Variants in B3GALT1 observed in about 807,000 individuals in gnomAD.
B3GALT1 encodes the protein beta-1,3-galactosyltransferase 1.
A neutral mutation model predicts 23.2 loss-of-function variants in B3GALT1; 10 were observed. The ratio of observed to expected loss-of-function variants is 0.43; its 90% CI spans 0.27 to 0.73. B3GALT1 has a LOEUF of 0.73. B3GALT1 is among the 30% of genes least tolerant of loss of function. The pLI is 0.21. For synonymous variants in B3GALT1, 156 were observed against 141.5 expected (o/e 1.10, Z -0.73); for missense variants, 299 against 405.4 (o/e 0.74, Z 2.25).
At chr2:167,515,894 T>TA (rs1344932963) in intron 2 of B3GALT1, among the ~76,000 whole-genome samples, 23 of 152,068 alleles carry the variant, frequency 1.5e-4, no homozygotes, top group Non-Finnish European at 7.4e-5. Flanking sequence ...AAATGACTTG[T>TA]AAAAAACAAC....
intron 1 of B3GALT1, among the ~76,000 whole-genome samples, chr2:167,388,034 C>T (rs1287833205): frequency 6.6e-6 from 1 of 151,988 alleles, no homozygotes; most frequent in Non-Finnish European, 1.5e-5. Flanking sequence ...TTTTGAATAG[C>T]GGGTGGCATT....
chr2:167,678,219 A>G (rs548054729), intron 3 of B3GALT1, among the ~76,000 whole-genome samples: 118 of 152,238 alleles, frequency 7.8e-4, no homozygotes, highest in African/African-American at 2.3e-3. Context: ...GACATCCATC[A>G]CAGGTTTCAT....
intron 4 of B3GALT1, among the ~76,000 whole-genome samples, chr2:167,863,690 C>T (rs1690150627): frequency 6.6e-6 from 1 of 152,040 alleles, no homozygotes; most frequent in African/African-American, 2.4e-5. Flanking sequence ...TATTTCTGGC[C>T]CATGGGCATA....
At position 167,629,355 on chromosome 2, in the gene B3GALT1, T is replaced by A. The variant is rs1041373200; in HGVS notation, c.-409-17554T>A. ...TAAACTTTGGAATCATTTAAATAAT[T>A]TTCCCTTGTTTTAATTTTGACGTCA... On this transcript the variant is annotated intron_variant, in intron 2 of 4. Transcript: ENST00000392690. Among the ~76,000 whole-genome samples, 2 of 151,726 alleles carry A rather than the reference T, an allele frequency of 1.3e-5. 1 individual carries two copies. The highest frequency in any genetic ancestry group is 3.9e-4 in the East Asian group (2 of 5,150).
chr2:167,797,453 C>A (rs1688562455), intron 3 of B3GALT1, among the ~76,000 whole-genome samples: 1 of 152,112 alleles, frequency 6.6e-6, no homozygotes, highest in Non-Finnish European at 1.5e-5. Context: ...GTGCATGTAT[C>A]TTTATAATAG....
intron 1 of B3GALT1, among the ~76,000 whole-genome samples, chr2:167,402,673 A>G (rs1165696189): frequency 6.6e-6 from 1 of 152,166 alleles, no homozygotes; most frequent in South Asian, 2.1e-4. Context: ...CTATGATAAT[A>G]CAACCAGTAA....
rs544617905 is a variant in B3GALT1, at chr2:167,616,038, G to A, written c.-409-30871G>A. On this transcript the variant is annotated intron_variant, in intron 2 of 4. Transcript: ENST00000392690. ...CATGGTCAGGAAGCTCAAGATAAGC[G>A]TTCAGTAGAATAACAGAACAAAACA... is the stretch of plus-strand genomic sequence containing the variant. Among the ~76,000 whole-genome samples, 19 of 151,344 alleles carry A rather than the reference G, an allele frequency of 1.3e-4. No homozygotes were observed. In the East Asian group the frequency reaches 2.0e-3, roughly 16 times the overall value.
At chr2:167,831,295 C>T (rs896598762) in intron 4 of B3GALT1, among the ~76,000 whole-genome samples, 4 of 152,166 alleles carry the variant, frequency 2.6e-5, no homozygotes, top group African/African-American at 9.7e-5. Flanking sequence ...GGAAAATCTC[C>T]TTTATACGAG....
chr2:167,492,001 G>C (rs754425462), intron 2 of B3GALT1, among the ~76,000 whole-genome samples: 1 of 152,110 alleles, frequency 6.6e-6, no homozygotes, highest in African/African-American at 2.4e-5. Context: ...AAAGTCCATA[G>C]TTGCATAAGG....
intron 2 of B3GALT1, among the ~76,000 whole-genome samples, chr2:167,524,351 A>T (rs1379479894): frequency 1.3e-5 from 2 of 152,170 alleles, no homozygotes; most frequent in African/African-American, 4.8e-5. Flanking sequence ...TAGCAGGTTA[A>T]CCACTGTTCA....
intron 1 of B3GALT1, among the ~76,000 whole-genome samples, chr2:167,434,246 G>T (rs1698744867): frequency 6.6e-6 from 1 of 152,052 alleles, no homozygotes; most frequent in Non-Finnish European, 1.5e-5. Context: ...TATATTCTTA[G>T]ATCTCTTTCA....
chr2:167,839,678 C>A (rs1276750396), intron 4 of B3GALT1, among the ~76,000 whole-genome samples: 1 of 152,258 alleles, frequency 6.6e-6, no homozygotes, highest in Admixed American at 6.5e-5. Context: ...GAAAAAACTA[C>A]TTTAAAGTTC....
chr2:167,838,818 G>C (rs1389314481), intron 4 of B3GALT1, among the ~76,000 whole-genome samples: 1 of 152,164 alleles, frequency 6.6e-6, no homozygotes, highest in Admixed American at 6.5e-5. Context: ...ACATCAAAAA[G>C]CTTATCCACC....
At chr2:167,440,059 T>A (rs550533230) in intron 1 of B3GALT1, among the ~76,000 whole-genome samples, 3 of 152,148 alleles carry the variant, frequency 2.0e-5, no homozygotes, top group Admixed American at 6.5e-5. Context: ...AGAAATAATT[T>A]AAGGCTGGGG....
At chr2:167,310,183 T>G (rs958683764) in intron 1 of B3GALT1, among the ~76,000 whole-genome samples, 7 of 152,114 alleles carry the variant, frequency 4.6e-5, no homozygotes, top group Non-Finnish European at 4.4e-5. Context: ...GCAAACTGTT[T>G]CCATTTAGCA....
intron 1 of B3GALT1, among the ~76,000 whole-genome samples, chr2:167,443,421 G>A (rs1225563233): frequency 2.6e-5 from 4 of 152,298 alleles, no homozygotes; most frequent in Non-Finnish European, 4.4e-5. Context: ...GAAAGTCATC[G>A]GAAGCTTGAT....
At chr2:167,860,590 A>G (rs1275208016) in intron 4 of B3GALT1, among the ~76,000 whole-genome samples, 1 of 152,204 alleles carries the variant, frequency 6.6e-6, no homozygotes, top group Non-Finnish European at 1.5e-5. Flanking sequence ...ATTCAGAGTC[A>G]ATTTTAACAG....
intron 3 of B3GALT1, among the ~76,000 whole-genome samples, chr2:167,751,470 G>A (rs530864014): frequency 2.6e-5 from 4 of 152,268 alleles, no homozygotes; most frequent in Non-Finnish European, 5.9e-5. Context: ...GTCTGTGGGA[G>A]AATTTCAGAA....
chr2:167,385,023 A>G (rs1697905723), intron 1 of B3GALT1, among the ~76,000 whole-genome samples: 1 of 152,068 alleles, frequency 6.6e-6, no homozygotes, highest in Non-Finnish European at 1.5e-5. Context: ...TGTGCCGAGA[A>G]TCAGTCATCT....
Sources: gnomAD v4.1 joint callset for allele counts (sites outside exome capture counted in the v4.1 genomes callset) on GRCh38, gnomAD v4.1.1 for gene constraint, MANE v1.5 for transcripts, NCBI Gene and HGNC (gene_info 2026-07-23, HGNC 2026-07-21) for gene names.